Variants in RIPK4 observed in about 807,000 individuals in gnomAD.
The protein encoded by RIPK4 is receptor-interacting serine/threonine-protein kinase 4.
In RIPK4, 17 loss-of-function variants were observed where a neutral mutation model predicts 42.9. The observed-to-expected ratio is 0.40, with a 90% CI of 0.27 to 0.59. The LOEUF is 0.59. Ranked by LOEUF, RIPK4 falls within the 20% of genes least tolerant of loss-of-function variation. RIPK4 has a pLI of 0.47. For synonymous variants in RIPK4, 498 were observed against 499.1 expected (o/e 1.00, Z 0.03); for missense variants, 897 against 1,104.4 (o/e 0.81, Z 2.66).
chr21:41,744,226 T>C, intron 6 of RIPK4, 86 bp from the exon 7 acceptor site: 1 of 1,370,200 alleles, frequency 7.3e-7, no homozygotes, highest in Non-Finnish European at 9.7e-7. Flanking sequence ...AAGAGCAAGG[T>C]GGGCCACGGG....
Position 41,742,561 on chromosome 21 carries a change from C to A in RIPK4, c.1196-564G>T, listed in dbSNP as rs566018141. On this transcript the variant is annotated intron_variant, in intron 7 of 7. Coordinates refer to ENST00000332512, the MANE Select transcript of RIPK4 (RefSeq NM_020639.3). The surrounding 1 kb of genome is among the most constrained non-coding windows in gnomAD (Gnocchi z 5.1). ...GACCGAGCTTCTCGTTTCAGGAGGA[C>A]GTTAGTCCAGCACTCAGGATGAAAA... 6.6e-6 allele frequency among the ~76,000 whole-genome samples: 1 copy of A among 152,262 alleles called. No individual in the cohort carries two copies. The highest frequency in any genetic ancestry group is 2.1e-4 in the South Asian group (1 of 4,814).
chr21:41,745,866 G>C lies in RIPK4; in HGVS notation c.833-4C>G, dbSNP rs1275373912. 2 of 1,609,290 alleles carry C rather than the reference G, an allele frequency of 1.2e-6. No homozygotes were observed. Among genetic ancestry groups the C allele is most frequent in the East Asian group, 2.2e-5 (1 of 44,854 alleles). On this transcript the variant is annotated splice_region_variant and splice_polypyrimidine_tract_variant and intron_variant, in intron 5 of 7. Coordinates refer to ENST00000332512, the MANE Select transcript of RIPK4 (RefSeq NM_020639.3). ...TCCTCGGTTTCAGAAGTAATTTCTT[G>C]TGGGGAAGAAAGGGGACATGTCACT...
intron 4 of RIPK4, 181 bp from the exon 5 acceptor site, chr21:41,746,952 G>C (rs915581413): frequency 7.8e-6 from 5 of 638,994 alleles, no homozygotes; most frequent in African/African-American, 1.9e-5. Flanking sequence ...CCCTCATGGT[G>C]CGCCATGCTC....
intron 3 of RIPK4, among the ~76,000 whole-genome samples, chr21:41,749,410 C>T (rs2061181690): frequency 6.6e-6 from 1 of 152,168 alleles, no homozygotes; most frequent in Non-Finnish European, 1.5e-5. Context: ...CAGACAGACT[C>T]AAGTAACTTC....
At chr21:41,746,144 C>T (rs200789728) in intron 5 of RIPK4, 137 of 671,864 alleles carry the variant, frequency 2.0e-4, no homozygotes, top group Non-Finnish European at 3.4e-4. Flanking sequence ...CAGCACCTGG[C>T]GGATGAGCTC....
In RIPK4 at chr21:41,741,735, G is replaced by A. The variant is rs773279959; in HGVS notation, c.1458C>T (p.Val486=). 30 of 1,612,548 alleles carry A rather than the reference G, an allele frequency of 1.9e-5. No homozygotes were observed. The highest frequency in any genetic ancestry group is 1.3e-4 in the African/African-American group (10 of 74,924). ...HMAVERRVRG[V]VELLLARKIS... ...TCTTCCGCGCCAGCAGGAGCTCCAC[G>A]ACACCCCGCACCCTCCTCTCCACGG... Residue 486 remains valine (V), a synonymous_variant, in exon 8 of 8, where the codon GTC becomes GTT. Transcript: ENST00000332512.
Position 41,744,013 on chromosome 21 carries a change from C to T in RIPK4, c.1064G>A (p.Arg355His), listed in dbSNP as rs773246269. ...QAVEGPEELS[R>H]SSSESKLPSS... ...TGGCAGCTTGGACTCAGAGGAGCTGCGGCTGAGCTCCTCGGGGCCCTCGAC... is the reference window on the plus strand; with the variant it reads ...TGGCAGCTTGGACTCAGAGGAGCTGTGGCTGAGCTCCTCGGGGCCCTCGAC... The change falls in exon 7 of 8, where the codon CGC becomes CAC. Residue 355 changes from arginine to histidine, a missense_variant. Arg to His is a conservative substitution (Grantham distance 29, BLOSUM62 0). Coordinates refer to ENST00000332512, the MANE Select transcript of RIPK4 (RefSeq NM_020639.3). The T allele has an allele frequency of 1.1e-5, 17 of 1,613,134 alleles. No homozygotes were observed. The East Asian group carries it at 1.1e-4, about 11-fold the overall frequency.
chr21:41,742,165 A>G lies in RIPK4; in HGVS notation c.1196-168T>C, dbSNP rs1203753314. 1.3e-5 allele frequency among the ~76,000 whole-genome samples: 2 copies of G among 152,178 alleles called. No homozygotes were observed. Among genetic ancestry groups the G allele is most frequent in the Admixed American group, 1.3e-4 (2 of 15,282 alleles). Reference sequence around the variant, plus strand: ...TTGTCTGTGCCTCGTGATTAAGGTCAGTCCTAGCGGGAGCCCCGGGGCAGG... The same window carrying G: ...TTGTCTGTGCCTCGTGATTAAGGTCGGTCCTAGCGGGAGCCCCGGGGCAGG... On this transcript the variant is annotated intron_variant, in intron 7 of 7. Coordinates refer to ENST00000332512, the MANE Select transcript of RIPK4 (RefSeq NM_020639.3). This position sits in a 1 kb window ranked among gnomAD's most constrained non-coding sequence, Gnocchi z 5.1.
chr21:41,742,300 A>G lies in RIPK4; in HGVS notation c.1196-303T>C, dbSNP rs1477429998. 6.6e-6 allele frequency among the ~76,000 whole-genome samples: 1 copy of G among 152,232 alleles called. No homozygotes were observed. The highest frequency in any genetic ancestry group is 1.5e-5 in the Non-Finnish European group (1 of 68,048). On this transcript the variant is annotated intron_variant, in intron 7 of 7. Coordinates refer to ENST00000332512, the MANE Select transcript of RIPK4 (RefSeq NM_020639.3). The surrounding 1 kb of genome is among the most constrained non-coding windows in gnomAD (Gnocchi z 5.1). The stretch of plus-strand genomic sequence containing the variant: ...GGTGCTTAGAGATGGCAGTGACTGC[A>G]AACATCCCTTCATTAAAGAAAGAAG...
In RIPK4 at chr21:41,741,340, C is replaced by T. The variant is rs763794698; in HGVS notation, c.1853G>A (p.Arg618His). 43 of 1,609,802 alleles carry T rather than the reference C, an allele frequency of 2.7e-5. No homozygotes were observed. The highest frequency in any genetic ancestry group is 3.4e-5 in the Non-Finnish European group (40 of 1,179,582). The change falls in exon 8 of 8, where the codon CGC (arginine) becomes CAC (histidine). Residue 618 changes from arginine to histidine, a missense_variant. Coordinates refer to ENST00000332512, the MANE Select transcript of RIPK4 (RefSeq NM_020639.3). ...LHLAAQRGHY[R>H]VARILIDLCS... ...CAGGTCGATGAGGATGCGGGCCACG[C>T]GGTAGTGCCCGCGCTGTGCGGCCAG...
chr21:41,743,784 G>C (rs749020738), intron 7 of RIPK4, 98 bp downstream of exon 7: 20 of 1,424,516 alleles, frequency 1.4e-5, no homozygotes, highest in Non-Finnish European at 1.8e-5. Context: ...GCTGGGTCAA[G>C]AAACTGTCCC....
chr21:41,746,099 G>A (rs1320694138), intron 5 of RIPK4: 3 of 697,144 alleles, frequency 4.3e-6, no homozygotes, highest in East Asian at 5.5e-5. Context: ...TTCCCCGGGG[G>A]AGCGCCACCT....
chr21:41,746,010 CA>C, intron 5 of RIPK4, 148 bp from the exon 6 acceptor site: 1 of 765,260 alleles, frequency 1.3e-6, no homozygotes, highest in South Asian at 1.4e-5. Context: ...AGGGGCCCTA[CA>C]TGGACAATTT....
rs901069870 is a variant in RIPK4 at position 41,762,219 on chromosome 21, T to A, written c.182+4641A>T. On this transcript the variant is annotated intron_variant, in intron 1 of 7. Coordinates refer to ENST00000332512, the MANE Select transcript of RIPK4 (RefSeq NM_020639.3). ...AAGTCATTGTTTCCGTGGACAAAAG[T>A]GTTGTGACAGCATGATCCAAACTGG... 3.9e-5 allele frequency among the ~76,000 whole-genome samples: 6 copies of A among 151,994 alleles called. No individual in the cohort carries two copies. In the South Asian group the frequency reaches 1.2e-3, roughly 32 times the overall value.
At chr21:41,750,622 G>A (rs8128162) in intron 3 of RIPK4, among the ~76,000 whole-genome samples, 2,322 of 152,218 alleles carry the variant, frequency 0.015, 50 homozygotes, top group African/African-American at 0.052. Flanking sequence ...AACACTCACA[G>A]CAAAGAAATC....
At position 41,755,516 on chromosome 21, in the gene RIPK4, C is replaced by G. The variant is rs558811959; in HGVS notation, c.474+1009G>C. 2.2e-4 allele frequency among the ~76,000 whole-genome samples: 33 copies of G among 152,268 alleles called. No individual in the cohort carries two copies. Among genetic ancestry groups the G allele is most frequent in the Admixed American group, 2.0e-3 (31 of 15,302 alleles). ...GCAGGGCCGGGCCCTGAATTCAGGTCTCTCCTAATTAATGGTCAGGCCATC... is the reference window on the plus strand; with the variant it reads ...GCAGGGCCGGGCCCTGAATTCAGGTGTCTCCTAATTAATGGTCAGGCCATC... On this transcript the variant is annotated intron_variant, in intron 2 of 7. Coordinates refer to ENST00000332512, the MANE Select transcript of RIPK4 (RefSeq NM_020639.3). This position sits in a 1 kb window ranked among gnomAD's most constrained non-coding sequence, Gnocchi z 4.2.
At chr21:41,762,081 T>C (rs2061222135) in intron 1 of RIPK4, among the ~76,000 whole-genome samples, 1 of 151,966 alleles carries the variant, frequency 6.6e-6, no homozygotes, top group African/African-American at 2.4e-5. Flanking sequence ...CCTAACGGAG[T>C]CCACCCCAGC....
chr21:41,746,494 G>A, intron 5 of RIPK4, 119 bp downstream of exon 5: 10 of 1,250,620 alleles, frequency 8.0e-6, no homozygotes, highest in East Asian at 5.1e-5. Flanking sequence ...GGCTCATTTC[G>A]GCCCACCTGT....
intron 5 of RIPK4, 180 bp from the exon 6 acceptor site, chr21:41,746,042 C>G (rs201919692): frequency 6.9e-6 from 5 of 723,096 alleles, no homozygotes; most frequent in Non-Finnish European, 1.3e-5. Context: ...CCCAGGCCCC[C>G]CCATCGGTAA....
Sources: allele counts gnomAD v4.1 joint callset (sites outside exome capture counted in the v4.1 genomes callset), GRCh38; gene constraint gnomAD v4.1.1; non-coding constraint Gnocchi (gnomAD v3.1); transcripts MANE v1.5; gene names NCBI Gene and HGNC (gene_info 2026-07-23, HGNC 2026-07-21).